Variants in UTS2B observed in about 807,000 individuals in gnomAD.
UTS2B encodes urotensin 2B, also known as urotensin-2B.
Under a neutral mutation model 19.2 loss-of-function variants are expected in UTS2B, and 21 were observed. The observed-to-expected ratio is 1.09, with a 90% confidence interval of 0.78 to 1.58. UTS2B has a LOEUF of 1.58. Ranked by LOEUF, UTS2B falls within the 40% of genes most tolerant of loss-of-function variation. The pLI, the probability that UTS2B is intolerant of heterozygous loss-of-function variation, is 0.00. For synonymous variants in UTS2B, 57 were observed against 50.2 expected, an observed-to-expected ratio of 1.14 and a Z score of -0.58; for missense variants, 138 against 130.3, an observed-to-expected ratio of 1.06 and a Z score of -0.29.
the UTS2B span, among the ~76,000 whole-genome samples, chr3:191,340,912 T>C: frequency 6.6e-6 from 1 of 152,204 alleles, no homozygotes; most frequent in Non-Finnish European, 1.5e-5. Context: ...CATAGCTCAC[T>C]GTGGCCTCAA....
intron 4 of UTS2B, among the ~76,000 whole-genome samples, chr3:191,290,759 A>C (rs1207855780): frequency 6.6e-6 from 1 of 152,222 alleles, no homozygotes; most frequent in African/African-American, 2.4e-5. Context: ...TCAAGTTATA[A>C]TTTACAGGGA....
At chr3:191,320,436 C>T (rs1717583746) in intron 2 of UTS2B, among the ~76,000 whole-genome samples, 1 of 152,200 alleles carries the variant, frequency 6.6e-6, no homozygotes, top group Non-Finnish European at 1.5e-5. Flanking sequence ...GCAGATGATG[C>T]TAAGCACTTT....
At chr3:191,298,718 G>GT (rs1203871692) in intron 4 of UTS2B, among the ~76,000 whole-genome samples, 1 of 152,178 alleles carries the variant, frequency 6.6e-6, no homozygotes, top group Non-Finnish European at 1.5e-5. Flanking sequence ...TTGGAACTGG[G>GT]TAACAAGAGG....
intron 7 of UTS2B, 95 bp downstream of exon 7, chr3:191,276,712 A>T: frequency 9.8e-7 from 1 of 1,023,798 alleles, no homozygotes; most frequent in Non-Finnish European, 1.4e-6. Flanking sequence ...TTTACATTGT[A>T]GTATTAATAA....
At chr3:191,268,487 T>C (rs988905759) in intron 8 of UTS2B, 46 bp from the exon 9 acceptor site, 9 of 1,406,938 alleles carry the variant, frequency 6.4e-6, no homozygotes, top group African/African-American at 4.3e-5. Flanking sequence ...GTATATTTGA[T>C]AAAACTTGCT....
At chr3:191,288,327 T>A (rs1480907633) in intron 4 of UTS2B, among the ~76,000 whole-genome samples, 1 of 152,320 alleles carries the variant, frequency 6.6e-6, no homozygotes, top group East Asian at 1.9e-4. Context: ...CAAAGCAATT[T>A]TGGGCAGAAA....
At chr3:191,312,602 C>T (rs957234186) in intron 3 of UTS2B, among the ~76,000 whole-genome samples, 1 of 152,290 alleles carries the variant, frequency 6.6e-6, no homozygotes, top group African/African-American at 2.4e-5. Context: ...AATGCCCTTC[C>T]TTCTACCCAC....
intron 2 of UTS2B, among the ~76,000 whole-genome samples, chr3:191,323,361 G>A (rs1363465154): frequency 6.6e-6 from 1 of 152,060 alleles, no homozygotes; most frequent in Admixed American, 6.6e-5. Flanking sequence ...TAGAGACAAG[G>A]TTTCACTATG....
In UTS2B at chr3:191,303,969, CT is replaced by C. The variant is rs374828258; in HGVS notation, c.-125+522del. On this transcript the variant is annotated intron_variant, in intron 4 of 8. Transcript: ENST00000340524. The stretch of plus-strand genomic sequence containing the variant: ...TGCAGAAGAAAGAATTGCCTGGTGG[CT>C]TTTTTTTTTTCTTTTCTGAGATGGA... Among the ~76,000 whole-genome samples, 601 of 146,408 alleles carry C rather than the reference CT, an allele frequency of 4.1e-3. 3 individuals carry two copies. The highest frequency in any genetic ancestry group is 0.012 in the African/African-American group (494 of 40,242).
At chr3:191,272,722 G>A (rs566970781) in intron 8 of UTS2B, among the ~76,000 whole-genome samples, 17 of 151,804 alleles carry the variant, frequency 1.1e-4, no homozygotes, top group South Asian at 4.2e-4. Context: ...TTAGCTGGGC[G>A]TGGTGGTGCG....
intron 4 of UTS2B, among the ~76,000 whole-genome samples, chr3:191,300,010 T>C (rs1253173781): frequency 6.6e-6 from 1 of 152,182 alleles, no homozygotes. Flanking sequence ...CTGTAGCCCC[T>C]TTCTTTTCTT....
chr3:191,281,489 A>C (rs1716383551), intron 5 of UTS2B, among the ~76,000 whole-genome samples: 1 of 151,666 alleles, frequency 6.6e-6, no homozygotes, highest in Non-Finnish European at 1.5e-5. Flanking sequence ...ACTTATTTTC[A>C]CTAATTTTAT....
Position 191,276,845 on chromosome 3 carries a change from C to T in UTS2B, c.203-1G>A. The stretch of plus-strand genomic sequence containing the variant: ...TCCAGTTTGTTAGGTAAGGCTAGGT[C>T]TGCAAGACACATTTGTCACATGAAA... On this transcript the variant is annotated splice_acceptor_variant, in intron 6 of 8. Transcript: ENST00000340524. LOFTEE classifies it high-confidence loss of function. 6.2e-7 allele frequency: 1 copy of T among 1,610,976 alleles called. No homozygotes were observed. Among genetic ancestry groups the T allele is most frequent in the Non-Finnish European group, 8.5e-7 (1 of 1,178,794 alleles).
intron 3 of UTS2B, among the ~76,000 whole-genome samples, chr3:191,314,668 T>C (rs997956903): frequency 1.3e-5 from 2 of 152,030 alleles, no homozygotes; most frequent in African/African-American, 2.4e-5. Context: ...AAACAAGTCA[T>C]GGTTACAGGG....
the UTS2B span, among the ~76,000 whole-genome samples, chr3:191,345,874 TA>T: frequency 6.6e-6 from 1 of 152,230 alleles, no homozygotes; most frequent in Non-Finnish European, 1.5e-5. Flanking sequence ...GGCACACATT[TA>T]AAACTTATGC....
intron 4 of UTS2B, among the ~76,000 whole-genome samples, chr3:191,286,558 A>T: frequency 6.6e-6 from 1 of 152,174 alleles, no homozygotes; most frequent in East Asian, 1.9e-4. Flanking sequence ...ATATAAGAAT[A>T]TCTGGAGACA....
At chr3:191,319,095 T>C (rs915317406) in intron 2 of UTS2B, among the ~76,000 whole-genome samples, 3 of 152,120 alleles carry the variant, frequency 2.0e-5, no homozygotes, top group Non-Finnish European at 4.4e-5. Context: ...GACACTTTGC[T>C]GAATTTTCCT....
At chr3:191,270,971 C>T (rs1213502181) in intron 8 of UTS2B, among the ~76,000 whole-genome samples, 1 of 151,886 alleles carries the variant, frequency 6.6e-6, no homozygotes, top group Admixed American at 6.6e-5. Context: ...TTTGGGAGGA[C>T]GAGGCTGGCA....
At chr3:191,335,756 GTTCT>G in the UTS2B span, among the ~76,000 whole-genome samples, 71 of 152,214 alleles carry the variant, frequency 4.7e-4, no homozygotes, top group African/African-American at 1.6e-3. Flanking sequence ...TTTATCAGTG[GTTCT>G]TTCCTTTTTC....
Sources: allele counts gnomAD v4.1 joint callset (sites outside exome capture counted in the v4.1 genomes callset), GRCh38; gene constraint gnomAD v4.1.1; transcripts MANE v1.5; gene names NCBI Gene and HGNC (gene_info 2026-07-23, HGNC 2026-07-21).